Variants in NINJ2 observed in about 807,000 individuals in gnomAD.
NINJ2 encodes ninjurin 2, also known as ninjurin-2.
NINJ2 carries 12 observed loss-of-function variants against 11.7 expected under a neutral mutation model. The observed-to-expected ratio is 1.02, with a 90% CI of 0.66 to 1.66. The LOEUF (loss-of-function observed/expected upper bound fraction) is 1.66, where lower values mean the gene tolerates loss of function less well. Ranked by LOEUF, NINJ2 falls within the 40% of genes most tolerant of loss-of-function variation. The pLI is 0.00. For missense variants in NINJ2, 187 were observed against 181.8 expected (o/e 1.03, Z -0.16); for synonymous variants, 93 against 76.8 (o/e 1.21, Z -1.10).
At chr12:652,827 A>C (rs1937813697) in intron 1 of NINJ2, among the ~76,000 whole-genome samples, 1 of 151,248 alleles carries the variant, frequency 6.6e-6, no homozygotes, top group South Asian at 2.1e-4. Context: ...AGGCGCCTGT[A>C]ACCCAGCTAC....
At chr12:620,581 T>G (rs1366001805) in intron 1 of NINJ2, among the ~76,000 whole-genome samples, 1 of 152,188 alleles carries the variant, frequency 6.6e-6, no homozygotes, top group Non-Finnish European at 1.5e-5. Flanking sequence ...AAAAGTACAA[T>G]TATGATTACT....
intron 1 of NINJ2, among the ~76,000 whole-genome samples, chr12:602,466 G>C (rs558826474): frequency 1.3e-5 from 2 of 152,126 alleles, no homozygotes; most frequent in Non-Finnish European, 2.9e-5. Context: ...TCAGTACTTC[G>C]TTTCTTTTTA....
chr12:654,660 G>A lies in NINJ2; in HGVS notation c.33+8668C>T, dbSNP rs954182721. ...TTTAACCCTAGCACTTTGGGAGGCC[G>A]AGGTGGGTGGATCACCTGAGGTTGG... On this transcript the variant is annotated intron_variant, in intron 1 of 3. Coordinates refer to ENST00000305108, the MANE Select transcript of NINJ2 (RefSeq NM_016533.6). 2.6e-5 allele frequency among the ~76,000 whole-genome samples: 4 copies of A among 151,954 alleles called. No homozygotes were observed. In the South Asian group the frequency reaches 6.2e-4, roughly 24 times the overall value.
chr12:577,866 C>A (rs1947491151), intron 1 of NINJ2, among the ~76,000 whole-genome samples: 1 of 152,132 alleles, frequency 6.6e-6, no homozygotes, highest in Admixed American at 6.5e-5. Flanking sequence ...CCCGAGATCA[C>A]CCTTTTATTT....
At chr12:572,039 C>T (rs1387427386) in intron 1 of NINJ2, among the ~76,000 whole-genome samples, 1 of 152,214 alleles carries the variant, frequency 6.6e-6, no homozygotes, top group African/African-American at 2.4e-5. Context: ...GCACCTTGAC[C>T]ACATTCCAGC....
At chr12:657,853 A>G (rs951020463) in intron 1 of NINJ2, among the ~76,000 whole-genome samples, 2 of 152,326 alleles carry the variant, frequency 1.3e-5, no homozygotes, top group Admixed American at 1.3e-4. Context: ...GCAAAACAGT[A>G]TAGCCATTTT....
chr12:609,770 C>CAAAAAAGAAAAAAAAA (rs1948002275), intron 1 of NINJ2, among the ~76,000 whole-genome samples: 1 of 88,822 alleles, frequency 1.1e-5, no homozygotes. Flanking sequence ...GACTCTGCCT[C>CAAAAAAGAAAAAAAAA]AAAAAAAAAA....
intron 1 of NINJ2, among the ~76,000 whole-genome samples, chr12:576,543 G>T (rs555916422): frequency 6.6e-6 from 1 of 152,364 alleles, no homozygotes; most frequent in East Asian, 1.9e-4. Context: ...CGCCCAGGCT[G>T]CGGGGTGGTG....
chr12:643,763 A>G (rs1219452900), intron 1 of NINJ2: 3 of 769,354 alleles, frequency 3.9e-6, no homozygotes, highest in Middle Eastern at 3.2e-4. Flanking sequence ...TCATGGGAGC[A>G]GTCAGTCTAC....
chr12:632,282 A>G (rs1480255619), intron 1 of NINJ2: 1 of 152,264 alleles, frequency 6.6e-6, no homozygotes, highest in African/African-American at 2.4e-5. Context: ...CAGCAAAAGC[A>G]GACAGGAAAA....
At chr12:577,817 A>G (rs11837457) in intron 1 of NINJ2, among the ~76,000 whole-genome samples, 11,782 of 151,952 alleles carry the variant, frequency 0.078, 487 homozygotes, top group Middle Eastern at 0.13. Flanking sequence ...TCAGCCTCCC[A>G]AACTGTTGGG....
chr12:627,041 T>C (rs951600290), intron 1 of NINJ2, among the ~76,000 whole-genome samples: 18 of 152,122 alleles, frequency 1.2e-4, no homozygotes, highest in African/African-American at 4.3e-4. Context: ...GCTATGATTG[T>C]ACCACTGAAC....
intron 1 of NINJ2, among the ~76,000 whole-genome samples, chr12:578,967 C>G (rs966690009): frequency 1.3e-5 from 2 of 152,110 alleles, no homozygotes; most frequent in African/African-American, 2.4e-5. Context: ...TTTTGCTGAA[C>G]CTTAGATTTT....
At chr12:605,231 C>T (rs1425231037) in intron 1 of NINJ2, among the ~76,000 whole-genome samples, 2 of 152,190 alleles carry the variant, frequency 1.3e-5, no homozygotes, top group African/African-American at 4.8e-5. Context: ...GGCTGGCAGG[C>T]TCGGCTGTGC....
intron 1 of NINJ2, among the ~76,000 whole-genome samples, chr12:616,725 T>C (rs1470271540): frequency 1.3e-5 from 2 of 152,258 alleles, no homozygotes; most frequent in Non-Finnish European, 2.9e-5. Flanking sequence ...AAACTGCTAG[T>C]GTTCTCCTCT....
Position 615,951 on chromosome 12 carries a change from G to C in NINJ2, c.33+47377C>G, listed in dbSNP as rs1007411158. The stretch of plus-strand genomic sequence containing the variant: ...GAAAAGTGAGGCACACTCTCGGAGA[G>C]CTAGAATATCATTCCAGGGGGTTTT... On this transcript the variant is annotated intron_variant, in intron 1 of 3. Coordinates refer to ENST00000305108, the MANE Select transcript of NINJ2 (RefSeq NM_016533.6). 3.9e-5 allele frequency among the ~76,000 whole-genome samples: 6 copies of C among 152,226 alleles called. No homozygotes were observed. In the East Asian group the frequency reaches 9.6e-4, roughly 24 times the overall value.
rs141047978 is a variant in NINJ2 at position 638,710 on chromosome 12, C to A, written c.33+24618G>T. Among the ~76,000 whole-genome samples the A allele has an allele frequency of 1.8e-3, 275 of 152,342 alleles. 7 individuals carry two copies. The East Asian group carries it at 0.045, about 25-fold the overall frequency. On this transcript the variant is annotated intron_variant, in intron 1 of 3. Coordinates refer to ENST00000305108, the MANE Select transcript of NINJ2 (RefSeq NM_016533.6). The stretch of plus-strand genomic sequence containing the variant: ...GATTACAGGCGTGAGCCACCGCGCC[C>A]GGCCGACACTTAGTTTTAAATCCAG...
chr12:645,925 G>A (rs376415850), intron 1 of NINJ2: 1 of 152,176 alleles, frequency 6.6e-6, no homozygotes, highest in Non-Finnish European at 1.5e-5. Context: ...CCTTTCAAGG[G>A]AGCAGATAAG....
chr12:579,960 T>C (rs916323106), intron 1 of NINJ2, among the ~76,000 whole-genome samples: 1 of 152,166 alleles, frequency 6.6e-6, no homozygotes, highest in African/African-American at 2.4e-5. Flanking sequence ...TAGCAGAGAA[T>C]AAGAGAATAA....
Sources: allele counts gnomAD v4.1 joint callset (sites outside exome capture counted in the v4.1 genomes callset), GRCh38; gene constraint gnomAD v4.1.1; transcripts MANE v1.5; gene names NCBI Gene and HGNC (gene_info 2026-07-23, HGNC 2026-07-21).